ZCCHC14: variants seen among roughly 807,000 people sequenced by gnomAD.
ZCCHC14 encodes the protein zinc finger CCHC domain-containing protein 14.
Under a neutral mutation model 85.0 loss-of-function variants are expected in ZCCHC14, and 16 were observed. The observed-to-expected ratio is 0.19, with a 90% CI of 0.13 to 0.29. ZCCHC14 has a LOEUF of 0.29. Ranked by LOEUF, ZCCHC14 falls within the 10% of genes least tolerant of loss-of-function variation. The pLI, the probability that ZCCHC14 is intolerant of heterozygous loss-of-function variation, is 1.00. For missense variants in ZCCHC14, 1,303 were observed against 1,443.5 expected (o/e 0.90, Z 1.58); for synonymous variants, 775 against 630.7 (o/e 1.23, Z -3.43).
In ZCCHC14 at chr16:87,423,838, G is replaced by A; in HGVS notation, c.812C>T (p.Ser271Phe). The A allele has an allele frequency of 1.9e-6, 3 of 1,614,154 alleles. No homozygotes were observed. Among genetic ancestry groups the A allele is most frequent in the Non-Finnish European group, 2.5e-6 (3 of 1,180,010 alleles). ...DSSITSVTKS[S>F]SEVTEFISKL... is the part of the protein sequence containing the mutation. ...TGAAATAAATTCCGTCACTTCAGAG[G>A]AAGATTTGGTTACTGATGTTATTGA... The change falls in exon 4 of 13, where the codon TCC becomes TTC. Residue 271 changes from serine (S) to phenylalanine (F), a missense_variant. Physicochemically the swap from Ser to Phe is radical, Grantham distance 155. This residue lies in a region of ZCCHC14 where 389 missense variants were observed against 397.8 expected (regional missense o/e 0.98). Transcript: ENST00000671377.
At chr16:87,467,264 A>T in intron 1 of ZCCHC14, 1 of 1,577,638 alleles carries the variant, frequency 6.3e-7, no homozygotes, top group Non-Finnish European at 8.7e-7. Flanking sequence ...TAAACCCAAA[A>T]TTAAGGATAA....
chr16:87,413,658 C>T (rs568561977), intron 10 of ZCCHC14, among the ~76,000 whole-genome samples: 1 of 152,068 alleles, frequency 6.6e-6, no homozygotes, highest in Admixed American at 6.5e-5. Context: ...ACGGAGCAAG[C>T]GCGCCAGGTG....
At chr16:87,423,992 G>T in intron 3 of ZCCHC14, 111 bp from the exon 4 acceptor site, 1 of 1,142,132 alleles carries the variant, frequency 8.8e-7, no homozygotes, top group Non-Finnish European at 1.3e-6. Context: ...TGAGCCCAGT[G>T]GGCCGTGCAC....
chr16:87,427,279 C>T (rs543616988), intron 3 of ZCCHC14, among the ~76,000 whole-genome samples: 1 of 152,392 alleles, frequency 6.6e-6, no homozygotes, highest in East Asian at 1.9e-4. Flanking sequence ...TGAGGAATCA[C>T]TGGGCCCTCT....
intron 2 of ZCCHC14, among the ~76,000 whole-genome samples, chr16:87,437,254 T>C (rs1412930018): frequency 6.8e-6 from 1 of 146,534 alleles, no homozygotes; most frequent in East Asian, 2.0e-4. Context: ...GAGAATCACT[T>C]GACCCCAGGA....
intron 1 of ZCCHC14, among the ~76,000 whole-genome samples, chr16:87,486,829 C>A (rs1912533284): frequency 6.6e-6 from 1 of 152,272 alleles, no homozygotes; most frequent in South Asian, 2.1e-4. Context: ...CCCAGGAGAA[C>A]AAGTGTTAAA....
rs537779885 is a variant in ZCCHC14, at chr16:87,417,633, T to C, written c.1210A>G (p.Ser404Gly). The C allele has an allele frequency of 4.5e-5, 72 of 1,614,084 alleles. No homozygotes were observed. In the African/African-American group the frequency reaches 5.6e-4, roughly 13 times the overall value. Reference protein sequence around the residue: ...APLPHCSHAGSAGSALAYRTQ... With the variant: ...APLPHCSHAGGAGSALAYRTQ... ...CGGTAGGCCAGGGCTGAGCCCGCGC[T>C]GCCCGCATGGGAGCAGTGAGGCAAG... is the stretch of plus-strand genomic sequence containing the variant. The change falls in exon 8 of 13, where the codon AGC becomes GGC. Residue 404 changes from serine to glycine, a missense_variant. Around this residue, in one of 7 missense-constraint regions of ZCCHC14, gnomAD observed 389 missense variants for 397.8 expected, o/e 0.98. Transcript: ENST00000671377.
intron 3 of ZCCHC14, among the ~76,000 whole-genome samples, chr16:87,424,251 C>T (rs1024834244): frequency 6.6e-6 from 1 of 152,196 alleles, no homozygotes; most frequent in African/African-American, 2.4e-5. Context: ...GATGCAAGAG[C>T]GACACATTCC....
chr16:87,474,031 G>A (rs1786070881), intron 1 of ZCCHC14: 1 of 152,146 alleles, frequency 6.6e-6, no homozygotes, highest in South Asian at 2.1e-4. Flanking sequence ...GACCAGAAAG[G>A]GCTCACCTGG....
Position 87,457,723 on chromosome 16 carries a change from TAAAAC to T in ZCCHC14, c.694+2280_694+2284del, listed in dbSNP as rs1452711819. ...AGACAGAGAGAAAACTTTATAGTAA[TAAAAC>T]TATACAACTTACTGTGACTTTAGAC... On this transcript the variant is annotated intron_variant, in intron 2 of 12. Coordinates refer to ENST00000671377, the MANE Select transcript of ZCCHC14 (RefSeq NM_015144.3). Among the ~76,000 whole-genome samples, 134 of 152,248 alleles carry T rather than the reference TAAAAC, an allele frequency of 8.8e-4. 1 individual carries two copies. The highest frequency in any genetic ancestry group is 8.6e-3 in the Admixed American group (131 of 15,288).
intron 3 of ZCCHC14, 21 bp from the exon 4 acceptor site, chr16:87,423,902 CA>C: frequency 6.2e-7 from 1 of 1,612,826 alleles, no homozygotes. Flanking sequence ...AACAAACAAA[CA>C]AACCTTAGAA....
In ZCCHC14 at chr16:87,411,551, T is replaced by A; in HGVS notation, c.3170A>T (p.Asp1057Val). 1 of 1,613,660 alleles carries A rather than the reference T, an allele frequency of 6.2e-7. No individual in the cohort carries two copies. The highest frequency in any genetic ancestry group is 8.5e-7 in the Non-Finnish European group (1 of 1,180,008). The change falls in exon 12 of 13, where the codon GAC becomes GTC. Residue 1057 changes from aspartate to valine, a missense_variant. This residue lies in a region of ZCCHC14 where 797 missense variants were observed against 730.8 expected (regional missense o/e 1.09). Coordinates refer to ENST00000671377, the MANE Select transcript of ZCCHC14 (RefSeq NM_015144.3). ...NCGATGHRAQDCKQPSMDFNR... is the reference protein window; with the variant it reads ...NCGATGHRAQVCKQPSMDFNR... ...GAAGTCCATGGACGGCTGTTTGCAGTCCTGGGCGCGGTGACCAGTGGCCCC... is the reference window on the plus strand; with the variant it reads ...GAAGTCCATGGACGGCTGTTTGCAGACCTGGGCGCGGTGACCAGTGGCCCC...
In ZCCHC14 at chr16:87,491,579, CG is replaced by C; in HGVS notation, c.570+89del. 14 of 1,211,606 alleles carry C rather than the reference CG, an allele frequency of 1.2e-5. No homozygotes were observed. The highest frequency in any genetic ancestry group is 1.2e-5 in the Non-Finnish European group (11 of 942,466). The allele number at this position is 1,211,606 out of a possible 1,614,324, so 75.1% of individuals were successfully genotyped here. ...CTCAGTGCAGGCTGGAGGCGTGGGT[CG>C]GGGGGTCGCGGTGCAGGCTGGAGGC... On this transcript the variant is annotated intron_variant, in intron 1 of 12. Transcript: ENST00000671377. The surrounding 1 kb of genome is among the most constrained non-coding windows in gnomAD (Gnocchi z 5.9).
chr16:87,427,568 T>C (rs1033786201), intron 3 of ZCCHC14, among the ~76,000 whole-genome samples: 27 of 152,228 alleles, frequency 1.8e-4, no homozygotes, highest in African/African-American at 6.5e-4. Flanking sequence ...AAAGAAAAGA[T>C]AACACTAAAA....
At chr16:87,435,410 C>G (rs1446948732) in intron 2 of ZCCHC14, among the ~76,000 whole-genome samples, 3 of 152,268 alleles carry the variant, frequency 2.0e-5, no homozygotes, top group African/African-American at 7.2e-5. Context: ...CGTCCGTGAG[C>G]AGCTCTGTGG....
chr16:87,441,635 C>T (rs1452230468), intron 2 of ZCCHC14, among the ~76,000 whole-genome samples: 1 of 152,170 alleles, frequency 6.6e-6, no homozygotes, highest in Non-Finnish European at 1.5e-5. Context: ...AAATTAGGGG[C>T]TTTATTGTAG....
In ZCCHC14 at chr16:87,411,991, C is replaced by T. The variant is rs750647458; in HGVS notation, c.2730G>A (p.Pro910=). ...HHHHHHHQQP[P]APPQPAPPPP... The stretch of plus-strand genomic sequence containing the variant: ...GGGGTGGGGCGGGCTGCGGGGGTGC[C>T]GGGGGCTGCTGATGGTGGTGGTGGT... The change falls in exon 12 of 13, where the codon CCG becomes CCA. Residue 910 remains proline, a synonymous_variant. Coordinates refer to ENST00000671377, the MANE Select transcript of ZCCHC14 (RefSeq NM_015144.3). 14 of 1,608,728 alleles carry T rather than the reference C, an allele frequency of 8.7e-6. No homozygotes were observed. The East Asian group carries it at 1.1e-4, about 13-fold the overall frequency.
chr16:87,423,975 C>G (rs140057030), intron 3 of ZCCHC14, 94 bp from the exon 4 acceptor site: 4 of 1,386,200 alleles, frequency 2.9e-6, no homozygotes. Context: ...CACGTTCAGT[C>G]GGCAGCTGAG....
At chr16:87,429,162 T>A (rs1030927648) in intron 3 of ZCCHC14, among the ~76,000 whole-genome samples, 1 of 152,188 alleles carries the variant, frequency 6.6e-6, no homozygotes, top group African/African-American at 2.4e-5. Flanking sequence ...TCAGTGAATG[T>A]GATTCTAGCT....
Sources: allele counts gnomAD v4.1 joint callset (sites outside exome capture counted in the v4.1 genomes callset), GRCh38; gene constraint gnomAD v4.1.1; regional missense constraint gnomAD v4.1.1; non-coding constraint Gnocchi (gnomAD v3.1); transcripts MANE v1.5; gene names NCBI Gene and HGNC (gene_info 2026-07-23, HGNC 2026-07-21).